Variants in GTF2F2 observed in about 807,000 individuals in gnomAD.
GTF2F2 encodes the protein general transcription factor IIF subunit 2, also known as ATP-dependent helicase GTF2F2.
A neutral mutation model predicts 42.2 loss-of-function variants in GTF2F2; 23 were observed. The observed-to-expected ratio is 0.55, with a 90% CI of 0.39 to 0.77. The LOEUF (loss-of-function observed/expected upper bound fraction) is 0.77, where lower values mean the gene tolerates loss of function less well. Among genes scored for constraint, GTF2F2 ranks in the 30% least tolerant of loss-of-function variants. GTF2F2 has a pLI of 0.00. For synonymous variants in GTF2F2, 105 were observed against 100.8 expected (o/e 1.04, Z -0.25); for missense variants, 261 against 287.2 (o/e 0.91, Z 0.66).
chr13:45,232,539 G>A (rs1201213776), intron 5 of GTF2F2, among the ~76,000 whole-genome samples: 1 of 152,156 alleles, frequency 6.6e-6, no homozygotes, highest in East Asian at 1.9e-4. Context: ...GGAGGCTGAG[G>A]CAGGAGGATC....
intron 5 of GTF2F2, among the ~76,000 whole-genome samples, chr13:45,222,278 G>A (rs1874151725): frequency 6.6e-6 from 1 of 152,048 alleles, no homozygotes; most frequent in Admixed American, 6.5e-5. Flanking sequence ...TTTATCTGAA[G>A]TTAACAATGT....
intron 5 of GTF2F2, among the ~76,000 whole-genome samples, chr13:45,233,559 G>A (rs1157542341): frequency 6.6e-6 from 1 of 152,200 alleles, no homozygotes; most frequent in East Asian, 1.9e-4. Context: ...GCCTCAGCTA[G>A]CAACACTGTG....
At chr13:45,244,985 A>T (rs971083078) in intron 5 of GTF2F2, among the ~76,000 whole-genome samples, 1 of 152,074 alleles carries the variant, frequency 6.6e-6, no homozygotes, top group Admixed American at 6.6e-5. Context: ...TTGTCCGGAG[A>T]AATGAGTTGC....
chr13:45,122,960 A>C (rs1360444929), intron 1 of GTF2F2: 1 of 152,062 alleles, frequency 6.6e-6, no homozygotes, highest in African/African-American at 2.4e-5. Flanking sequence ...GCTTCACCAG[A>C]ACTGGGAAGA....
chr13:45,272,080 A>ATTTTTATATTTTAAATATAAAT (rs906305480), intron 7 of GTF2F2, among the ~76,000 whole-genome samples: 4 of 149,242 alleles, frequency 2.7e-5, no homozygotes, highest in African/African-American at 9.7e-5. Flanking sequence ...AAATTTTTAT[A>ATTTTTATATTTTAAATATAAAT]TTTTTATATT....
At chr13:45,206,138 A>C (rs114578334) in intron 4 of GTF2F2, among the ~76,000 whole-genome samples, 1 of 152,100 alleles carries the variant, frequency 6.6e-6, no homozygotes, top group African/African-American at 2.4e-5. Flanking sequence ...CATGCTTCTC[A>C]TCATTGCTTT....
At chr13:45,244,117 GTC>G (rs1875465341) in intron 5 of GTF2F2, among the ~76,000 whole-genome samples, 1 of 152,164 alleles carries the variant, frequency 6.6e-6, no homozygotes. Flanking sequence ...GTTACTAGGA[GTC>G]TTTTTTTTCA....
chr13:45,158,856 TTAG>T (rs1169538525), intron 4 of GTF2F2, among the ~76,000 whole-genome samples: 2 of 152,212 alleles, frequency 1.3e-5, no homozygotes, highest in Non-Finnish European at 2.9e-5. Context: ...CTCCTAAGAA[TTAG>T]TAGTACTCTA....
chr13:45,264,796 A>T (rs1253405487), intron 6 of GTF2F2, among the ~76,000 whole-genome samples: 1 of 152,174 alleles, frequency 6.6e-6, no homozygotes, highest in Non-Finnish European at 1.5e-5. Context: ...TCCACAGCCA[A>T]CTAGAATGTG....
chr13:45,207,383 G>T, intron 4 of GTF2F2, 41 bp from the exon 5 acceptor site: 1 of 1,171,818 alleles, frequency 8.5e-7, no homozygotes, highest in African/African-American at 1.5e-5. Context: ...TCTTGAAAAT[G>T]ATAAGTATTA....
chr13:45,190,940 T>TA (rs34236995), intron 4 of GTF2F2, among the ~76,000 whole-genome samples: 1,652 of 135,192 alleles, frequency 0.012, 11 homozygotes, highest in Middle Eastern at 0.049. Context: ...TAATTTTCTT[T>TA]AAAAAAAAAA....
At chr13:45,129,918 A>G (rs772767099) in intron 1 of GTF2F2, among the ~76,000 whole-genome samples, 3 of 152,254 alleles carry the variant, frequency 2.0e-5, no homozygotes, top group Non-Finnish European at 4.4e-5. Flanking sequence ...GCAGGGACGT[A>G]AAGAATTTAT....
intron 5 of GTF2F2, among the ~76,000 whole-genome samples, chr13:45,217,498 G>GT (rs1454656120): frequency 6.6e-6 from 1 of 152,136 alleles, no homozygotes; most frequent in Non-Finnish European, 1.5e-5. Context: ...GTCAGGGACT[G>GT]TATCTTGTTC....
At chr13:45,126,764 G>T (rs1443093778) in intron 1 of GTF2F2, among the ~76,000 whole-genome samples, 4 of 152,204 alleles carry the variant, frequency 2.6e-5, no homozygotes, top group South Asian at 2.1e-4. Context: ...TTTCAGAGAA[G>T]GACACTGAAG....
At chr13:45,230,722 T>G (rs1326000094) in intron 5 of GTF2F2, among the ~76,000 whole-genome samples, 1 of 152,206 alleles carries the variant, frequency 6.6e-6, no homozygotes, top group African/African-American at 2.4e-5. Context: ...AATTATAACT[T>G]TACTTTGAAC....
chr13:45,164,108 C>T (rs1023646177), intron 4 of GTF2F2, among the ~76,000 whole-genome samples: 6 of 152,104 alleles, frequency 3.9e-5, no homozygotes, highest in Non-Finnish European at 8.8e-5. Context: ...GGCGAAACCC[C>T]GTCTCTACTA....
intron 4 of GTF2F2, among the ~76,000 whole-genome samples, chr13:45,191,250 TATATAG>T (rs1872637602): frequency 7.2e-6 from 1 of 138,290 alleles, no homozygotes; most frequent in African/African-American, 2.8e-5. Context: ...TATATATATA[TATATAG>T]CCATAATCTC....
intron 4 of GTF2F2, among the ~76,000 whole-genome samples, chr13:45,164,819 G>A (rs1306454472): frequency 6.6e-6 from 1 of 152,150 alleles, no homozygotes; most frequent in Non-Finnish European, 1.5e-5. Flanking sequence ...ACAAAAAGTT[G>A]CATCACAGCA....
chr13:45,228,046 T>C (rs1874452534), intron 5 of GTF2F2, among the ~76,000 whole-genome samples: 1 of 151,676 alleles, frequency 6.6e-6, no homozygotes. Flanking sequence ...CTCCTGTAGG[T>C]TGTAGCTTTT....
Sources: gnomAD v4.1 joint callset for allele counts (sites outside exome capture counted in the v4.1 genomes callset) on GRCh38, gnomAD v4.1.1 for gene constraint, MANE v1.5 for transcripts, NCBI Gene and HGNC (gene_info 2026-07-23, HGNC 2026-07-21) for gene names.